UBE3A: variants seen among roughly 807,000 people sequenced by gnomAD.
UBE3A encodes the protein ubiquitin protein ligase E3A.
In UBE3A, 6 loss-of-function variants were observed where a neutral mutation model predicts 83.4. The observed-to-expected ratio is 0.07, with a 90% CI of 0.04 to 0.14. The LOEUF (loss-of-function observed/expected upper bound fraction) is 0.14. Among genes scored for constraint, UBE3A ranks in the 10% least tolerant of loss-of-function variants. The probability of loss-of-function intolerance (pLI) is 1.00; values close to 1 mark genes in which losing one functional copy is unlikely to be tolerated. For missense variants in UBE3A, 456 were observed against 1,036.1 expected (o/e 0.44, Z 7.69); for synonymous variants, 337 against 355.4 (o/e 0.95, Z 0.58).
chr15:25,422,886 T>A (rs1890245000), intron 1 of UBE3A, among the ~76,000 whole-genome samples: 1 of 150,856 alleles, frequency 6.6e-6, no homozygotes, highest in African/African-American at 2.4e-5. Flanking sequence ...TAATCTTAGC[T>A]ACTTGGGAAG....
chr15:25,430,010 G>C (rs1375084152), intron 1 of UBE3A, among the ~76,000 whole-genome samples: 2 of 63,694 alleles, frequency 3.1e-5, no homozygotes, highest in African/African-American at 1.1e-4. Context: ...ATCTCAGGAG[G>C]AAAAACAAAA....
At chr15:25,350,296 C>CT (rs1453037946) in intron 11 of UBE3A, among the ~76,000 whole-genome samples, 8 of 146,812 alleles carry the variant, frequency 5.4e-5, no homozygotes, top group Non-Finnish European at 9.1e-5. Context: ...GACTTTGTCT[C>CT]TTTAAAAAAA....
intron 1 of UBE3A, 43 bp downstream of exon 1, chr15:25,438,446 A>T (rs1429796662): frequency 1.3e-5 from 2 of 152,168 alleles, no homozygotes; most frequent in Non-Finnish European, 2.9e-5. Context: ...CGAGTGACGG[A>T]GGGGAGCCAG....
At chr15:25,420,675 A>G (rs1183050375) in intron 1 of UBE3A, 2 of 152,238 alleles carry the variant, frequency 1.3e-5, no homozygotes, top group African/African-American at 4.8e-5. Context: ...GAAAAGATGC[A>G]GAGAAATTGG....
At chr15:25,406,654 C>T (rs2088617714) in intron 3 of UBE3A, among the ~76,000 whole-genome samples, 1 of 151,296 alleles carries the variant, frequency 6.6e-6, no homozygotes, top group Non-Finnish European at 1.5e-5. Flanking sequence ...AGGCTTCCAA[C>T]TTTAAGCAAC....
intron 11 of UBE3A, chr15:25,346,804 G>T (rs2075755854): frequency 6.6e-6 from 1 of 152,124 alleles, no homozygotes; most frequent in Non-Finnish European, 1.5e-5. Context: ...ACAAAAGAGA[G>T]AAAATAGACT....
intron 9 of UBE3A, 138 bp from the exon 10 acceptor site, chr15:25,354,821 A>C (rs2076998522): frequency 1.3e-6 from 1 of 784,600 alleles, no homozygotes; most frequent in East Asian, 2.7e-5. Flanking sequence ...TTTTACACCT[A>C]CTTCTTAACA....
intron 4 of UBE3A, among the ~76,000 whole-genome samples, chr15:25,387,758 A>G (rs1045690862): frequency 6.6e-6 from 1 of 152,158 alleles, no homozygotes; most frequent in Non-Finnish European, 1.5e-5. Flanking sequence ...AAAGGACAAA[A>G]TAACTAATAT....
intron 6 of UBE3A, among the ~76,000 whole-genome samples, chr15:25,368,092 A>G (rs758244789): frequency 6.6e-5 from 10 of 152,134 alleles, no homozygotes; most frequent in Non-Finnish European, 1.5e-4. Flanking sequence ...AAGTCATAAA[A>G]AAGTGGCCAC....
chr15:25,344,825 T>C (rs1402968541), intron 11 of UBE3A, among the ~76,000 whole-genome samples: 1 of 152,146 alleles, frequency 6.6e-6, no homozygotes, highest in Admixed American at 6.5e-5. Context: ...AAATTTTTTT[T>C]CCCCAAACAG....
At chr15:25,360,561 T>C (rs1262432123) in intron 6 of UBE3A, 34 bp from the exon 7 acceptor site, 2 of 1,608,104 alleles carry the variant, frequency 1.2e-6, no homozygotes, top group Non-Finnish European at 1.7e-6. Flanking sequence ...GAAAAGAAGA[T>C]GATTGCTAGT....
chr15:25,420,472 C>G (rs1596404777), intron 1 of UBE3A, among the ~76,000 whole-genome samples: 2 of 152,090 alleles, frequency 1.3e-5, no homozygotes, highest in African/African-American at 4.8e-5. Context: ...AGTAAGGATA[C>G]AGAAGAAATA....
chr15:25,399,941 CA>C (rs1176596167), intron 4 of UBE3A, among the ~76,000 whole-genome samples: 3 of 152,030 alleles, frequency 2.0e-5, no homozygotes, highest in Non-Finnish European at 4.4e-5. Flanking sequence ...ATTTTGAAAT[CA>C]GATAGTGTGA....
chr15:25,361,166 C>G (rs1044204159), intron 6 of UBE3A, among the ~76,000 whole-genome samples: 14 of 150,852 alleles, frequency 9.3e-5, no homozygotes, highest in Admixed American at 4.0e-4. Flanking sequence ...CACTCTGTCG[C>G]CTAGGCTGGA....
intron 6 of UBE3A, among the ~76,000 whole-genome samples, chr15:25,367,655 T>C (rs929829418): frequency 3.3e-5 from 5 of 152,106 alleles, no homozygotes; most frequent in African/African-American, 1.2e-4. Context: ...GAATTGCTGG[T>C]ATTTTTCTGT....
chr15:25,392,681 G>T (rs2084675816), intron 4 of UBE3A, among the ~76,000 whole-genome samples: 2 of 152,122 alleles, frequency 1.3e-5, no homozygotes, highest in South Asian at 4.1e-4. Flanking sequence ...ATGACACTAT[G>T]GGTGGGAAGA....
At chr15:25,401,113 T>G (rs1485126859) in intron 4 of UBE3A, among the ~76,000 whole-genome samples, 1 of 152,200 alleles carries the variant, frequency 6.6e-6, no homozygotes, top group Admixed American at 6.5e-5. Context: ...ATATCACATT[T>G]TATGGATTCA....
intron 1 of UBE3A, among the ~76,000 whole-genome samples, chr15:25,426,945 A>T (rs1891492049): frequency 6.6e-6 from 1 of 151,996 alleles, no homozygotes; most frequent in South Asian, 2.1e-4. Flanking sequence ...CAGCCTCCCA[A>T]GCTGGGCTAA....
chr15:25,383,983 G>A (rs996629146), intron 4 of UBE3A, among the ~76,000 whole-genome samples: 1 of 152,016 alleles, frequency 6.6e-6, no homozygotes, highest in Non-Finnish European at 1.5e-5. Flanking sequence ...TAGAATAAAG[G>A]AATTCAGTAA....
Sources: allele counts gnomAD v4.1 joint callset (sites outside exome capture counted in the v4.1 genomes callset), GRCh38; gene constraint gnomAD v4.1.1; transcripts MANE v1.5; gene names NCBI Gene and HGNC (gene_info 2026-07-23, HGNC 2026-07-21).